STAG1: variants seen among roughly 807,000 people sequenced by gnomAD.
STAG1 encodes the protein STAG1 cohesin complex component, also known as cohesin subunit SA-1.
A neutral mutation model predicts 170.9 loss-of-function variants in STAG1; 26 were observed. The observed-to-expected ratio is 0.15, with a 90% confidence interval of 0.11 to 0.21. STAG1 has a LOEUF of 0.21. STAG1 is among the 10% of genes least tolerant of loss of function. The pLI, the probability that STAG1 is intolerant of heterozygous loss-of-function variation, is 1.00. For synonymous variants in STAG1, 514 were observed against 497.7 expected, an observed-to-expected ratio of 1.03 and a Z score of -0.44; for missense variants, 964 against 1,509.5, an observed-to-expected ratio of 0.64 and a Z score of 5.99.
At chr3:136,619,923 C>T (rs1051424383) in intron 3 of STAG1, among the ~76,000 whole-genome samples, 6 of 151,480 alleles carry the variant, frequency 4.0e-5, no homozygotes, top group Non-Finnish European at 8.8e-5. Flanking sequence ...ATCAGCCATG[C>T]GTGGTGGCGT....
intron 1 of STAG1, among the ~76,000 whole-genome samples, chr3:136,684,359 T>A (rs1354047346): frequency 2.0e-5 from 3 of 151,326 alleles, no homozygotes; most frequent in African/African-American, 7.3e-5. Flanking sequence ...GAGAAGGGAG[T>A]CCAGAAATAC....
At chr3:136,351,502 A>C (rs1299831293) in intron 28 of STAG1, among the ~76,000 whole-genome samples, 1 of 152,184 alleles carries the variant, frequency 6.6e-6, no homozygotes, top group East Asian at 1.9e-4. Context: ...ATGGGCAAAA[A>C]AAGGGAAGGG....
intron 4 of STAG1, among the ~76,000 whole-genome samples, chr3:136,587,887 G>A (rs552044994): frequency 1.0e-3 from 159 of 151,892 alleles, no homozygotes; most frequent in African/African-American, 3.3e-3. Flanking sequence ...GCTTGAACCC[G>A]GGGGGGCGGA....
chr3:136,572,964 C>T (rs1937325593), intron 4 of STAG1, among the ~76,000 whole-genome samples: 1 of 152,048 alleles, frequency 6.6e-6, no homozygotes, highest in African/African-American at 2.4e-5. Context: ...CCACTTGAGG[C>T]CAGGAGTTCG....
chr3:136,350,810 G>A (rs991419869), intron 28 of STAG1, among the ~76,000 whole-genome samples: 1 of 152,194 alleles, frequency 6.6e-6, no homozygotes, highest in African/African-American at 2.4e-5. Context: ...TTTCCTAAGG[G>A]TGTTGACAAC....
intron 5 of STAG1, 87 bp downstream of exon 5, chr3:136,568,678 T>C: frequency 1.2e-6 from 1 of 860,984 alleles, no homozygotes; most frequent in Non-Finnish European, 1.9e-6. Flanking sequence ...TTAGGGTAAA[T>C]TATATACGAC....
intron 21 of STAG1, among the ~76,000 whole-genome samples, chr3:136,405,820 AAGG>A (rs2087467191): frequency 1.5e-5 from 2 of 135,186 alleles, no homozygotes; most frequent in Non-Finnish European, 3.3e-5. Context: ...AAAAAAAAAA[AAGG>A]AAAAATGTTA....
chr3:136,427,215 C>T (rs996484506), intron 16 of STAG1, among the ~76,000 whole-genome samples: 12 of 149,672 alleles, frequency 8.0e-5, no homozygotes, highest in South Asian at 2.1e-4. Flanking sequence ...GGCAACAGAG[C>T]GAGACTCCAA....
intron 4 of STAG1, among the ~76,000 whole-genome samples, chr3:136,580,581 C>T (rs1276020183): frequency 2.2e-5 from 3 of 137,104 alleles, no homozygotes; most frequent in Non-Finnish European, 3.0e-5. Flanking sequence ...GGCCGGACTG[C>T]GGACTGCAGT....
intron 10 of STAG1, among the ~76,000 whole-genome samples, chr3:136,473,874 A>C (rs947839765): frequency 1.3e-5 from 2 of 152,152 alleles, no homozygotes; most frequent in African/African-American, 4.8e-5. Flanking sequence ...TTAAATATTT[A>C]TCAACGCTGA....
intron 5 of STAG1, among the ~76,000 whole-genome samples, chr3:136,559,165 A>ATCTATCTATCTATC: frequency 1.8e-5 from 2 of 108,528 alleles, no homozygotes; most frequent in African/African-American, 6.5e-5. Flanking sequence ...ATCTATCTAT[A>ATCTATCTATCTATC]TACGTACACA....
At chr3:136,603,071 G>C (rs529757066) in intron 4 of STAG1, among the ~76,000 whole-genome samples, 2 of 151,888 alleles carry the variant, frequency 1.3e-5, no homozygotes, top group African/African-American at 2.4e-5. Context: ...TACATAAAAA[G>C]AAAGAAACAC....
At chr3:136,372,154 GT>G (rs1434752683) in intron 23 of STAG1, among the ~76,000 whole-genome samples, 1 of 152,146 alleles carries the variant, frequency 6.6e-6, no homozygotes, top group Non-Finnish European at 1.5e-5. Context: ...TTGGCTGTCT[GT>G]TATTGGTGTA....
intron 1 of STAG1, among the ~76,000 whole-genome samples, chr3:136,705,356 G>A (rs1354237984): frequency 1.4e-5 from 2 of 147,234 alleles, no homozygotes; most frequent in Admixed American, 6.9e-5. Context: ...TTAACAGAAG[G>A]AAAAATATCA....
At chr3:136,662,917 G>A (rs1941625599) in intron 1 of STAG1, among the ~76,000 whole-genome samples, 1 of 152,138 alleles carries the variant, frequency 6.6e-6, no homozygotes, top group Non-Finnish European at 1.5e-5. Flanking sequence ...CAAGCATGGT[G>A]GCAGGCGCCT....
chr3:136,533,828 G>C (rs541826286), intron 6 of STAG1, among the ~76,000 whole-genome samples: 1 of 152,152 alleles, frequency 6.6e-6, no homozygotes, highest in Non-Finnish European at 1.5e-5. Context: ...CAAATTCAAT[G>C]TAATCCCTAT....
At chr3:136,696,059 AAG>A (rs1942879832) in intron 1 of STAG1, among the ~76,000 whole-genome samples, 1 of 152,234 alleles carries the variant, frequency 6.6e-6, no homozygotes, top group Non-Finnish European at 1.5e-5. Context: ...GGTATGTCTA[AAG>A]AACAAACAAA....
chr3:136,532,822 G>T (rs1275375825), intron 6 of STAG1, among the ~76,000 whole-genome samples: 1 of 151,994 alleles, frequency 6.6e-6, no homozygotes, highest in African/African-American at 2.4e-5. Flanking sequence ...TACTGAATGG[G>T]GAAAAGTTCA....
At chr3:136,751,676 G>A (rs931297735) in intron 1 of STAG1, among the ~76,000 whole-genome samples, 30 of 152,172 alleles carry the variant, frequency 2.0e-4, no homozygotes, top group African/African-American at 6.3e-4. Context: ...CCGCTGAAAT[G>A]AACTCGTTGT....
Sources: allele counts gnomAD v4.1 joint callset (sites outside exome capture counted in the v4.1 genomes callset), GRCh38; gene constraint gnomAD v4.1.1; transcripts MANE v1.5; gene names NCBI Gene and HGNC (gene_info 2026-07-23, HGNC 2026-07-21).